Variants in CHD2 observed in about 807,000 individuals in gnomAD.
CHD2 encodes chromodomain helicase DNA binding protein 2.
In CHD2, 28 loss-of-function variants were observed where a neutral mutation model predicts 243.9. The ratio of observed to expected loss-of-function variants is 0.11; its 90% CI spans 0.09 to 0.16. The LOEUF is 0.16. Ranked by LOEUF, CHD2 falls within the 10% of genes least tolerant of loss-of-function variation. CHD2 has a pLI of 1.00. For synonymous variants in CHD2, 775 were observed against 779.0 expected, an observed-to-expected ratio of 0.99 and a Z score of 0.09; for missense variants, 1,386 against 2,209.8, an observed-to-expected ratio of 0.63 and a Z score of 7.47.
chr15:93,024,707 G>A lies in CHD2; in HGVS notation c.*2G>A. On this transcript the variant is annotated 3_prime_UTR_variant, in exon 39 of 39. Coordinates refer to ENST00000394196, the MANE Select transcript of CHD2 (RefSeq NM_001271.4). ...AACTGGAATGTTCGGAAAACATAAA[G>A]GACAGCTCGTAAAGGAGAGAGTAAG... 6.2e-7 allele frequency: 1 copy of A among 1,604,214 alleles called. No homozygotes were observed. Among genetic ancestry groups the A allele is most frequent in the Non-Finnish European group, 8.5e-7 (1 of 1,174,118 alleles).
chr15:93,025,197 G>C lies in CHD2; in HGVS notation c.*492G>C, dbSNP rs74357242. 1.3e-5 allele frequency: 2 copies of C among 155,690 alleles called. No homozygotes were observed. Among genetic ancestry groups the C allele is most frequent in the African/African-American group, 4.9e-5 (2 of 41,230 alleles). 9.6% of individuals were successfully genotyped at this position (155,690 alleles called of 1,614,324 possible). On this transcript the variant is annotated 3_prime_UTR_variant, in exon 39 of 39. Coordinates refer to ENST00000394196, the MANE Select transcript of CHD2 (RefSeq NM_001271.4). ...ATGGATGCTGCTGATGGGGAGTGGCGAGTTGGGGCAAGCGGGTGGGGACAA... is the reference window on the plus strand; with the variant it reads ...ATGGATGCTGCTGATGGGGAGTGGCCAGTTGGGGCAAGCGGGTGGGGACAA...
chr15:93,013,543 A>C (rs187059681), intron 36 of CHD2, among the ~76,000 whole-genome samples: 8 of 152,378 alleles, frequency 5.3e-5, no homozygotes, highest in Admixed American at 4.6e-4. Context: ...AAAAGACTAA[A>C]GCATGCAGTT....
chr15:92,975,578 T>G (rs574308526), intron 20 of CHD2, among the ~76,000 whole-genome samples: 9 of 152,168 alleles, frequency 5.9e-5, no homozygotes, highest in South Asian at 2.1e-4. Context: ...AAAACTGTAA[T>G]AATGTGTAGA....
intron 14 of CHD2, among the ~76,000 whole-genome samples, chr15:92,954,960 T>C (rs2053600799): frequency 6.6e-6 from 1 of 152,250 alleles, no homozygotes; most frequent in Non-Finnish European, 1.5e-5. Flanking sequence ...CTTACAAGCC[T>C]CCCTTTTTGT....
chr15:92,979,444 G>A (rs1255550661), intron 22 of CHD2, among the ~76,000 whole-genome samples, 161 bp downstream of exon 22: 1 of 152,078 alleles, frequency 6.6e-6, no homozygotes, highest in Non-Finnish European at 1.5e-5. Context: ...GAGTTTCTTG[G>A]TTCCTTTTTT....
At chr15:92,923,607 C>G (rs189307318) in intron 2 of CHD2, among the ~76,000 whole-genome samples, 3 of 138,364 alleles carry the variant, frequency 2.2e-5, no homozygotes, top group Admixed American at 7.8e-5. Context: ...CGCTCTGTCT[C>G]TAGGCTGGAG....
In CHD2 at chr15:92,939,879, G is replaced by A. The variant is rs145374222; in HGVS notation, c.692+161G>A. The stretch of plus-strand genomic sequence containing the variant: ...TCTGGTTAGCTTTCTTGCAAAAAGA[G>A]TGGTATTGAGCCAAGGGGAATAGGA... On this transcript the variant is annotated intron_variant, in intron 7 of 38. Transcript: ENST00000394196. 0.015 allele frequency among the ~76,000 whole-genome samples: 2,264 copies of A among 152,280 alleles called. 66 individuals carry two copies. The highest frequency in any genetic ancestry group is 0.07 in the Admixed American group (1,077 of 15,292).
At chr15:92,971,668 T>C in intron 17 of CHD2, 97 bp from the exon 18 acceptor site, 1 of 1,075,042 alleles carries the variant, frequency 9.3e-7, no homozygotes. Flanking sequence ...GCCTCTTTTT[T>C]TCTCCACAAT....
intron 16 of CHD2, among the ~76,000 whole-genome samples, chr15:92,963,175 CAG>C (rs760495427): frequency 6.6e-6 from 1 of 152,204 alleles, no homozygotes; most frequent in Non-Finnish European, 1.5e-5. Context: ...TTACATTTAA[CAG>C]AATTAATAAT....
chr15:92,916,461 T>C (rs1596372885), intron 2 of CHD2, among the ~76,000 whole-genome samples: 1 of 152,274 alleles, frequency 6.6e-6, no homozygotes, highest in African/African-American at 2.4e-5. Flanking sequence ...GGTTTTGTTA[T>C]GAACAGAGCT....
intron 2 of CHD2, among the ~76,000 whole-genome samples, chr15:92,921,115 T>TA (rs1555437098): frequency 6.8e-6 from 1 of 146,732 alleles, no homozygotes; most frequent in Non-Finnish European, 1.5e-5. Flanking sequence ...TGCTGTGACA[T>TA]ATGTCAGTAT....
rs559673443 is a variant in CHD2, at chr15:92,974,865, G to T, written c.2506-14G>T. On this transcript the variant is annotated splice_polypyrimidine_tract_variant and intron_variant, in intron 19 of 38. Coordinates refer to ENST00000394196, the MANE Select transcript of CHD2 (RefSeq NM_001271.4). ...CTTCCTATCTTACAGTTTTCTTGTG[G>T]TTTATTTTTACAGCGTCTGGATGGT... The T allele has an allele frequency of 6.2e-7, 1 of 1,612,822 alleles. No individual in the cohort carries two copies. Among genetic ancestry groups the T allele is most frequent in the African/African-American group, 1.3e-5 (1 of 74,996 alleles).
intron 5 of CHD2, among the ~76,000 whole-genome samples, chr15:92,932,434 C>A (rs2053187263): frequency 3.7e-4 from 1 of 2,730 alleles, no homozygotes; most frequent in Non-Finnish European, 7.4e-4. Context: ...TAATGCTGAC[C>A]CTTCCCCCTC....
chr15:92,909,465 C>G (rs1475701352), intron 2 of CHD2, among the ~76,000 whole-genome samples: 1 of 152,170 alleles, frequency 6.6e-6, no homozygotes, highest in East Asian at 1.9e-4. Context: ...GGTAATCTTT[C>G]ACTTTGGATT....
chr15:92,933,489 A>G (rs2053212072), intron 5 of CHD2, among the ~76,000 whole-genome samples: 1 of 152,292 alleles, frequency 6.6e-6, no homozygotes, highest in African/African-American at 2.4e-5. Context: ...AACTTTTTTT[A>G]ACCAACTCAG....
chr15:92,995,189 C>G (rs996782169), intron 28 of CHD2, among the ~76,000 whole-genome samples: 1 of 152,120 alleles, frequency 6.6e-6, no homozygotes, highest in African/African-American at 2.4e-5. Context: ...TTAAATTATT[C>G]AAAGTTATTC....
At chr15:92,915,650 T>C (rs904393282) in intron 2 of CHD2, among the ~76,000 whole-genome samples, 5 of 152,252 alleles carry the variant, frequency 3.3e-5, no homozygotes, top group African/African-American at 4.8e-5. Context: ...TTGGCACTTA[T>C]AAAATGTACA....
intron 36 of CHD2, among the ~76,000 whole-genome samples, chr15:93,013,856 G>C (rs1370940154): frequency 7.1e-6 from 1 of 139,938 alleles, no homozygotes; most frequent in Admixed American, 7.9e-5. Context: ...GATCGCATGA[G>C]ACCAGGAGGT....
At chr15:92,940,927 AATAT>A (rs1176240338) in intron 7 of CHD2, among the ~76,000 whole-genome samples, 4 of 139,646 alleles carry the variant, frequency 2.9e-5, no homozygotes, top group African/African-American at 8.1e-5. Flanking sequence ...TATACATATA[AATAT>A]ATATAAAATA....
Sources: allele counts gnomAD v4.1 joint callset (sites outside exome capture counted in the v4.1 genomes callset), GRCh38; gene constraint gnomAD v4.1.1; transcripts MANE v1.5; gene names NCBI Gene and HGNC (gene_info 2026-07-23, HGNC 2026-07-21).